CLVS1: variants seen among roughly 807,000 people sequenced by gnomAD.
CLVS1 encodes the protein clavesin-1.
Under a neutral mutation model 33.1 loss-of-function variants are expected in CLVS1, and 10 were observed. That is an observed-to-expected ratio of 0.30 (90% CI 0.19 to 0.51). The LOEUF (loss-of-function observed/expected upper bound fraction) is 0.51. Ranked by LOEUF, CLVS1 falls within the 20% of genes least tolerant of loss-of-function variation. CLVS1 has a pLI of 0.97. For missense variants in CLVS1, 343 were observed against 433.4 expected, an observed-to-expected ratio of 0.79 and a Z score of 1.85; for synonymous variants, 163 against 166.1, an observed-to-expected ratio of 0.98 and a Z score of 0.14.
At chr8:61,094,014 C>A (rs1462961075) in intron 1 of CLVS1, among the ~76,000 whole-genome samples, 1 of 152,204 alleles carries the variant, frequency 6.6e-6, no homozygotes. Flanking sequence ...ATTCTCTGCC[C>A]CATCACCAGC....
At chr8:61,030,427 G>A in the CLVS1 span, among the ~76,000 whole-genome samples, 19 of 152,148 alleles carry the variant, frequency 1.2e-4, no homozygotes, top group African/African-American at 4.1e-4. Flanking sequence ...TGGAGATGGG[G>A]GCTAGAGAGA....
the CLVS1 span, among the ~76,000 whole-genome samples, chr8:61,037,772 G>C: frequency 6.6e-6 from 1 of 152,328 alleles, no homozygotes; most frequent in East Asian, 1.9e-4. Context: ...CCCCAGAGCT[G>C]TCAGAGAACT....
intron 2 of CLVS1, among the ~76,000 whole-genome samples, chr8:61,348,577 A>G (rs1490413780): frequency 6.6e-6 from 1 of 152,088 alleles, no homozygotes; most frequent in Non-Finnish European, 1.5e-5. Context: ...GCTGAATAGT[A>G]TTTCCTTGTG....
At chr8:61,133,336 G>T (rs1415394574) in intron 2 of CLVS1, among the ~76,000 whole-genome samples, 2 of 152,158 alleles carry the variant, frequency 1.3e-5, no homozygotes. Flanking sequence ...GAGATATGAT[G>T]GCTGAGTGGG....
chr8:61,254,955 A>G (rs1585725805), intron 2 of CLVS1, among the ~76,000 whole-genome samples: 1 of 152,188 alleles, frequency 6.6e-6, no homozygotes, highest in East Asian at 1.9e-4. Context: ...TGCACCCAGT[A>G]CCTCAGTTGG....
intron 3 of CLVS1, among the ~76,000 whole-genome samples, chr8:61,438,518 A>T (rs1405458785): frequency 6.6e-6 from 1 of 152,190 alleles, no homozygotes; most frequent in East Asian, 1.9e-4. Flanking sequence ...TAATGGAATG[A>T]TATATATTCC....
chr8:60,967,574 C>G, the CLVS1 span: 1 of 452,878 alleles, frequency 2.2e-6, no homozygotes, highest in Non-Finnish European at 4.4e-6. Context: ...CATACTTACC[C>G]TGTCGTCTGC....
intron 3 of CLVS1, among the ~76,000 whole-genome samples, chr8:61,449,585 G>T (rs1816880878): frequency 6.6e-6 from 1 of 152,184 alleles, no homozygotes; most frequent in South Asian, 2.1e-4. Flanking sequence ...GCATAGAGCA[G>T]CTACTATCTA....
chr8:61,246,196 T>TTTTTTTTTTTA, intron 2 of CLVS1, among the ~76,000 whole-genome samples: 1 of 126,862 alleles, frequency 7.9e-6, no homozygotes, highest in Non-Finnish European at 1.6e-5. Flanking sequence ...TTTTTTTTTT[T>TTTTTTTTTTTA]GAGACGGAGT....
chr8:61,121,666 A>G (rs543560877), intron 1 of CLVS1, among the ~76,000 whole-genome samples: 1 of 152,328 alleles, frequency 6.6e-6, no homozygotes, highest in South Asian at 2.1e-4. Context: ...TGTGAAATCA[A>G]AGAGAGATGC....
Position 61,499,683 on chromosome 8 carries a change from G to T in CLVS1, c.*141G>T. 1.9e-6 allele frequency: 1 copy of T among 525,666 alleles called. No individual in the cohort carries two copies. 32.6% of individuals were successfully genotyped at this position (525,666 alleles called of 1,614,324 possible). ...CCACTCCTGAACCCCTGCAGTGACT[G>T]TCACCAGCCATCGGTCTGAGCAGCC... On this transcript the variant is annotated 3_prime_UTR_variant, in exon 6 of 6. Transcript: ENST00000325897.
chr8:61,327,204 C>T (rs1479113772), intron 2 of CLVS1, among the ~76,000 whole-genome samples: 2 of 152,054 alleles, frequency 1.3e-5, no homozygotes, highest in African/African-American at 2.4e-5. Flanking sequence ...GCATTGTTTA[C>T]ATATATATTG....
Position 61,425,219 on chromosome 8 carries a change from C to T in CLVS1, c.631-28922C>T, listed in dbSNP as rs145914184. ...AAAATATTTTTAATAAGCCCATGCTCATTTGCATTCAGATCTTCTGTTTAA... is the reference window on the plus strand; with the variant it reads ...AAAATATTTTTAATAAGCCCATGCTTATTTGCATTCAGATCTTCTGTTTAA... On this transcript the variant is annotated intron_variant, in intron 3 of 5. Coordinates refer to ENST00000325897, the MANE Select transcript of CLVS1 (RefSeq NM_173519.3). 8.8e-3 allele frequency among the ~76,000 whole-genome samples: 1,334 copies of T among 152,304 alleles called. 15 individuals are homozygous for T. The highest frequency in any genetic ancestry group is 0.04 in the South Asian group (191 of 4,822).
At chr8:61,115,242 C>T (rs1315739778) in intron 1 of CLVS1, among the ~76,000 whole-genome samples, 1 of 152,120 alleles carries the variant, frequency 6.6e-6, no homozygotes, top group Non-Finnish European at 1.5e-5. Context: ...AACCATTTCT[C>T]ACTGTTATTG....
At chr8:61,272,148 T>C (rs1425202251) in intron 2 of CLVS1, among the ~76,000 whole-genome samples, 1 of 151,606 alleles carries the variant, frequency 6.6e-6, no homozygotes, top group Non-Finnish European at 1.5e-5. Context: ...TTCCTTTCCA[T>C]GTTTAGCGCT....
chr8:61,245,796 C>T (rs1808793430), intron 2 of CLVS1, among the ~76,000 whole-genome samples: 1 of 151,560 alleles, frequency 6.6e-6, no homozygotes. Context: ...TTATTATTAT[C>T]TTAGGGATGG....
chr8:61,473,893 A>G (rs1191775056), intron 5 of CLVS1, among the ~76,000 whole-genome samples: 3 of 152,176 alleles, frequency 2.0e-5, no homozygotes, highest in African/African-American at 4.8e-5. Context: ...AGTGTTGGAC[A>G]TGATTAATGA....
rs190425935 is a variant in CLVS1 at position 61,303,956 on chromosome 8, C to T, written c.455+3674C>T. On this transcript the variant is annotated intron_variant, in intron 2 of 5. Coordinates refer to ENST00000325897, the MANE Select transcript of CLVS1 (RefSeq NM_173519.3). ...TGAATTGCAACCAGGGGCTGGAGTA[C>T]AATATTTGAAAATTGGAATGGGGCA... is the stretch of plus-strand genomic sequence containing the variant. 2.0e-5 allele frequency among the ~76,000 whole-genome samples: 3 copies of T among 152,252 alleles called. No individual in the cohort carries two copies. The East Asian group carries it at 5.8e-4, about 29-fold the overall frequency.
chr8:61,100,672 C>T (rs751536702), intron 1 of CLVS1, among the ~76,000 whole-genome samples: 6 of 152,140 alleles, frequency 3.9e-5, no homozygotes, highest in African/African-American at 1.2e-4. Context: ...AGAACATTTT[C>T]GTCACCCCAA....
Sources: gnomAD v4.1 joint callset for allele counts (sites outside exome capture counted in the v4.1 genomes callset) on GRCh38, gnomAD v4.1.1 for gene constraint, MANE v1.5 for transcripts, NCBI Gene and HGNC (gene_info 2026-07-23, HGNC 2026-07-21) for gene names.